The following CHRNB3 variants were observed in gnomAD, a reference collection of about 807,000 sequenced individuals.
The protein encoded by CHRNB3 is neuronal acetylcholine receptor subunit beta-3.
In CHRNB3, 37 loss-of-function variants were observed where a neutral mutation model predicts 40.6. The observed-to-expected ratio is 0.91, with a 90% CI of 0.70 to 1.20. The LOEUF is 1.20. Among genes scored for constraint, CHRNB3 ranks in the 50% most tolerant of loss-of-function variants. The pLI is 0.00. For missense variants in CHRNB3, 505 were observed against 551.2 expected, an observed-to-expected ratio of 0.92 and a Z score of 0.84; for synonymous variants, 207 against 207.1, an observed-to-expected ratio of 1.00 and a Z score of 0.00.
chr8:42,731,910 G>A lies in CHRNB3; in HGVS notation c.603G>A (p.Trp201Ter). ...AAGACTTCTTCGATAACGGAGAATG[G>A]GAAATACTGAACGCAAAGGGGATGA... ...DRKDFFDNGEWEILNAKGMKG... is the reference protein window; with the variant it reads ...DRKDFFDNGE Residue 201 changes from tryptophan to a stop codon, truncating the protein, a stop_gained, in exon 5 of 6, where the codon TGG becomes TGA. Coordinates refer to ENST00000289957, the MANE Select transcript of CHRNB3 (RefSeq NM_000749.5). LOFTEE classifies it high-confidence loss of function. 1 of 1,614,140 alleles carries A rather than the reference G, an allele frequency of 6.2e-7. No individual in the cohort carries two copies. The highest frequency in any genetic ancestry group is 1.1e-5 in the South Asian group (1 of 91,080).
chr8:42,708,459 C>G (rs907830862), intron 1 of CHRNB3, among the ~76,000 whole-genome samples: 1 of 132,270 alleles, frequency 7.6e-6, no homozygotes, highest in Non-Finnish European at 1.6e-5. Context: ...GAGTGAGACT[C>G]TGTCTCAAAA....
intron 3 of CHRNB3, among the ~76,000 whole-genome samples, chr8:42,724,058 C>T (rs1231542247): frequency 2.0e-5 from 3 of 152,010 alleles, no homozygotes; most frequent in African/African-American, 4.8e-5. Flanking sequence ...TGTACTCCAG[C>T]CTGGGCAACA....
chr8:42,713,269 G>A (rs1260146308), intron 3 of CHRNB3, among the ~76,000 whole-genome samples: 3 of 152,058 alleles, frequency 2.0e-5, no homozygotes, highest in Non-Finnish European at 4.4e-5. Flanking sequence ...AAAGAGAACA[G>A]CATTAGACAC....
chr8:42,730,726 C>A, intron 4 of CHRNB3, 23 bp downstream of exon 4: 1 of 1,450,620 alleles, frequency 6.9e-7, no homozygotes, highest in Non-Finnish European at 9.5e-7. Context: ...TTGTTTCTTA[C>A]TTATGGGGAA....
At position 42,736,693 on chromosome 8, in the gene CHRNB3, A is replaced by G. The variant is rs1245300070; in HGVS notation, c.*75A>G. The G allele has an allele frequency of 8.3e-6, 13 of 1,558,372 alleles. No homozygotes were observed. The South Asian group carries it at 9.1e-5, about 11-fold the overall frequency. On this transcript the variant is annotated 3_prime_UTR_variant, in exon 6 of 6. Transcript: ENST00000289957. ...TATCACACAGACAGAATCCAAATGC[A>G]TGTGCTTGTTCTACGAACCCCGAAT... is the stretch of plus-strand genomic sequence containing the variant.
chr8:42,718,121 C>A (rs759798773), intron 3 of CHRNB3, among the ~76,000 whole-genome samples: 1 of 152,012 alleles, frequency 6.6e-6, no homozygotes, highest in Non-Finnish European at 1.5e-5. Context: ...TGAGCCACCA[C>A]GCCTGGCCTT....
intron 1 of CHRNB3, among the ~76,000 whole-genome samples, chr8:42,706,505 C>T (rs933798135): frequency 8.5e-5 from 13 of 152,156 alleles, no homozygotes; most frequent in African/African-American, 2.4e-4. Flanking sequence ...AGCGTGGCCC[C>T]GGTGGAGACA....
chr8:42,703,435 A>AAAAAATATATATATATAT, intron 1 of CHRNB3, among the ~76,000 whole-genome samples: 7 of 47,392 alleles, frequency 1.5e-4, no homozygotes, highest in Admixed American at 7.0e-4. Context: ...AAAAAAAAAA[A>AAAAAATATATATATATAT]ATATTTATAT....
intron 1 of CHRNB3, among the ~76,000 whole-genome samples, chr8:42,703,435 A>AAAATATATATATATATATATATATATAT: frequency 4.2e-5 from 2 of 47,398 alleles, no homozygotes; most frequent in African/African-American, 1.2e-4. Flanking sequence ...AAAAAAAAAA[A>AAAATATATATATATATATATATATATAT]ATATTTATAT....
At chr8:42,701,661 T>C (rs1024867865) in intron 1 of CHRNB3, among the ~76,000 whole-genome samples, 1 of 152,230 alleles carries the variant, frequency 6.6e-6, no homozygotes, top group Non-Finnish European at 1.5e-5. Flanking sequence ...TTTCATTCAG[T>C]GAGGCTGAGA....
chr8:42,728,216 G>A (rs1020907993), intron 3 of CHRNB3, among the ~76,000 whole-genome samples: 7 of 152,182 alleles, frequency 4.6e-5, no homozygotes, highest in Admixed American at 3.9e-4. Context: ...TTAGTCATTA[G>A]GAAAATGCAT....
intron 3 of CHRNB3, among the ~76,000 whole-genome samples, chr8:42,728,991 G>A (rs1435047513): frequency 6.6e-6 from 1 of 151,996 alleles, no homozygotes; most frequent in East Asian, 1.9e-4. Flanking sequence ...GATTATATTT[G>A]TTCTTCGAAA....
chr8:42,714,229 C>T (rs1816063005), intron 3 of CHRNB3, among the ~76,000 whole-genome samples: 1 of 152,078 alleles, frequency 6.6e-6, no homozygotes, highest in African/African-American at 2.4e-5. Flanking sequence ...GGCGTGGTGG[C>T]TCACGCCTGT....
At chr8:42,715,883 T>C (rs962402284) in intron 3 of CHRNB3, among the ~76,000 whole-genome samples, 2 of 151,996 alleles carry the variant, frequency 1.3e-5, no homozygotes, top group Non-Finnish European at 2.9e-5. Flanking sequence ...TGTGAGAAAG[T>C]ACTTACTGCT....
chr8:42,732,600 C>T lies in CHRNB3; in HGVS notation c.1242+51C>T, dbSNP rs1189711544. The T allele has an allele frequency of 2.7e-6, 4 of 1,477,166 alleles. No homozygotes were observed. In the African/African-American group the frequency reaches 4.2e-5, roughly 16 times the overall value. The allele number at this position is 1,477,166 out of a possible 1,614,324, so 91.5% of individuals were successfully genotyped here. A position where few individuals can be genotyped will look rare whatever the true frequency, so the allele number is the denominator to read the frequency against. On this transcript the variant is annotated intron_variant, in intron 5 of 5. Coordinates refer to ENST00000289957, the MANE Select transcript of CHRNB3 (RefSeq NM_000749.5). ...TGCTGCCGTAAAGGTAGGCCAAAGACAAATATTTTGACATCTGTTTACAAT... is the reference window on the plus strand; with the variant it reads ...TGCTGCCGTAAAGGTAGGCCAAAGATAAATATTTTGACATCTGTTTACAAT...
intron 3 of CHRNB3, among the ~76,000 whole-genome samples, chr8:42,715,228 CAAT>C (rs1325572255): frequency 1.3e-5 from 2 of 152,052 alleles, no homozygotes; most frequent in Non-Finnish European, 2.9e-5. Flanking sequence ...TAAAAAATGA[CAAT>C]GAGACAGGAA....
At position 42,697,378 on chromosome 8, in the gene CHRNB3, A is replaced by G. The variant is rs949137347; in HGVS notation, c.-169A>G. On this transcript the variant is annotated 5_prime_UTR_variant, in exon 1 of 6. Transcript: ENST00000289957. ...TGAAGTGCACTTTGAGAAGCGGCAC[A>G]CTCGGCGAGAGGGGTTGAGATTGTT... 5 of 585,010 alleles carry G rather than the reference A, an allele frequency of 8.5e-6. No individual in the cohort carries two copies. The highest frequency in any genetic ancestry group is 1.5e-5 in the Non-Finnish European group (5 of 324,610). The allele number at this position is 585,010 out of a possible 1,614,324, so 36.2% of individuals were successfully genotyped here.
rs542541238 is a variant in CHRNB3 at position 42,721,242 on chromosome 8, G to C, written c.250-9352G>C. ...ACACTAGCAAAAAGAGAACTTATTA[G>C]CTTTCACAATCGGAAAAGTCCAGGG... On this transcript the variant is annotated intron_variant, in intron 3 of 5. Transcript: ENST00000289957. Among the ~76,000 whole-genome samples, 21 of 152,296 alleles carry C rather than the reference G, an allele frequency of 1.4e-4. No individual in the cohort carries two copies. In the East Asian group the frequency reaches 3.9e-3, roughly 28 times the overall value.
Position 42,730,657 on chromosome 8 carries a change from G to C in CHRNB3, c.313G>C (p.Val105Leu). 1 of 1,611,300 alleles carries C rather than the reference G, an allele frequency of 6.2e-7. No homozygotes were observed. Among genetic ancestry groups the C allele is most frequent in the South Asian group, 1.1e-5 (1 of 90,678 alleles). Residue 105 changes from valine to leucine, a missense_variant, in exon 4 of 6, where the codon GTT becomes CTT. Physicochemically the swap from Val to Leu is conservative, Grantham distance 32 (BLOSUM62 1). Transcript: ENST00000289957. ...TTATGGTGGGATCCATTCCATTAAA[G>C]TTCCATCAGAATCTCTGTGGCTTCC... The part of the protein sequence containing the change: ...DDYGGIHSIK[V>L]PSESLWLPDI...
Sources: gnomAD v4.1 joint callset for allele counts (sites outside exome capture counted in the v4.1 genomes callset) on GRCh38, gnomAD v4.1.1 for gene constraint, MANE v1.5 for transcripts, NCBI Gene and HGNC (gene_info 2026-07-23, HGNC 2026-07-21) for gene names.